The following ANKFN1 variants were observed in gnomAD, a reference collection of about 807,000 sequenced individuals.
ANKFN1 encodes ankyrin repeat and fibronectin type-III domain-containing protein 1.
Under a neutral mutation model 108.7 loss-of-function variants are expected in ANKFN1, and 74 were observed. The ratio of observed to expected loss-of-function variants is 0.68; its 90% confidence interval spans 0.56 to 0.83. ANKFN1 has a LOEUF of 0.83. Ranked by LOEUF, ANKFN1 falls within the 40% of genes least tolerant of loss-of-function variation. ANKFN1 has a pLI of 0.00. For missense variants in ANKFN1, 1,505 were observed against 1,382.3 expected (o/e 1.09, Z -1.41); for synonymous variants, 547 against 516.2 (o/e 1.06, Z -0.81).
intron 3 of ANKFN1, among the ~76,000 whole-genome samples, chr17:56,261,936 G>A (rs1325246732): frequency 6.6e-6 from 1 of 152,064 alleles, no homozygotes; most frequent in African/African-American, 2.4e-5. Context: ...ATATCTCATA[G>A]AGAAGACCAT....
intron 1 of ANKFN1, among the ~76,000 whole-genome samples, chr17:56,167,035 A>T (rs1910184303): frequency 6.6e-6 from 1 of 151,894 alleles, no homozygotes; most frequent in African/African-American, 2.4e-5. Context: ...GAAAATCAAT[A>T]ATGACTTGTT....
intron 15 of ANKFN1, among the ~76,000 whole-genome samples, chr17:56,467,781 A>AAGAAAGAAAGAAAG (rs1568026081): frequency 5.3e-4 from 12 of 22,438 alleles, no homozygotes; most frequent in African/African-American, 1.1e-3. Flanking sequence ...GAAAGAAAGA[A>AAGAAAGAAAGAAAG]AGAAAGAAAG....
Position 56,172,086 on chromosome 17 carries a change from A to G in ANKFN1, c.-71+18556A>G, listed in dbSNP as rs539790949. Among the ~76,000 whole-genome samples, 10 of 152,320 alleles carry G rather than the reference A, an allele frequency of 6.6e-5. No homozygotes were observed. In the South Asian group the frequency reaches 2.1e-3, roughly 32 times the overall value. On this transcript the variant is annotated intron_variant, in intron 1 of 20. Coordinates refer to ENST00000682825, the MANE Select transcript of ANKFN1 (RefSeq NM_001370326.1). Reference sequence around the variant, plus strand: ...TGTTATATACATGAATGACTAATATAGTTTATTTTATACTCTCTGCTTTTC... The same window carrying G: ...TGTTATATACATGAATGACTAATATGGTTTATTTTATACTCTCTGCTTTTC...
intron 1 of ANKFN1, among the ~76,000 whole-genome samples, chr17:56,199,062 A>C (rs1913795312): frequency 6.6e-6 from 1 of 152,180 alleles, no homozygotes; most frequent in Non-Finnish European, 1.5e-5. Flanking sequence ...GAGAAAATTT[A>C]TGTCTTTACA....
chr17:56,376,188 C>T (rs1186063835), intron 8 of ANKFN1, among the ~76,000 whole-genome samples: 1 of 152,102 alleles, frequency 6.6e-6, no homozygotes, highest in East Asian at 1.9e-4. Flanking sequence ...TCAGGCCTGT[C>T]CCTCTGGGGA....
At chr17:56,303,483 C>A (rs76571590) in intron 3 of ANKFN1, among the ~76,000 whole-genome samples, 376 of 152,292 alleles carry the variant, frequency 2.5e-3, no homozygotes, top group Non-Finnish European at 4.0e-3. Context: ...TCACCAGAAC[C>A]ACTCTACAAT....
chr17:56,453,564 AC>A (rs1200808802), intron 11 of ANKFN1, among the ~76,000 whole-genome samples: 1 of 152,148 alleles, frequency 6.6e-6, no homozygotes, highest in African/African-American at 2.4e-5. Flanking sequence ...TGCCCAGTGT[AC>A]AACTGTCACC....
At chr17:56,203,982 T>A (rs1031018837) in intron 1 of ANKFN1, among the ~76,000 whole-genome samples, 6 of 152,110 alleles carry the variant, frequency 3.9e-5, no homozygotes, top group Admixed American at 1.3e-4. Flanking sequence ...TGAAATGATA[T>A]CTTAATGGTC....
At chr17:56,487,456 T>C (rs1216100899) in intron 18 of ANKFN1, among the ~76,000 whole-genome samples, 2 of 152,052 alleles carry the variant, frequency 1.3e-5, no homozygotes. Context: ...ACAGCCGGCC[T>C]ATGACAAGGA....
chr17:56,220,618 C>T (rs1247594714), intron 2 of ANKFN1, among the ~76,000 whole-genome samples: 4 of 150,852 alleles, frequency 2.7e-5, no homozygotes, highest in Non-Finnish European at 5.9e-5. Context: ...TATGATTTCA[C>T]CACTGCAATA....
chr17:56,468,818 G>A (rs1270148939), intron 15 of ANKFN1, among the ~76,000 whole-genome samples: 2 of 152,222 alleles, frequency 1.3e-5, no homozygotes, highest in East Asian at 1.9e-4. Context: ...AATTGACAGA[G>A]AGTATGTGCT....
rs368562677 is a variant in ANKFN1, at chr17:56,155,465, G to C, written c.-71+1935G>C. Among the ~76,000 whole-genome samples the C allele has an allele frequency of 1.8e-4, 27 of 152,230 alleles. No individual in the cohort carries two copies. The South Asian group carries it at 3.3e-3, about 19-fold the overall frequency. ...TTCCAATATAGTCTTTCATTTATTC[G>C]ACAATCAACAGGTAATTATTGAAAG... On this transcript the variant is annotated intron_variant, in intron 1 of 20. Transcript: ENST00000682825.
intron 3 of ANKFN1, among the ~76,000 whole-genome samples, chr17:56,306,142 G>A (rs548160393): frequency 4.1e-4 from 62 of 152,134 alleles, no homozygotes; most frequent in Admixed American, 2.4e-3. Context: ...ATTCTGGTTC[G>A]TTTGCCTTTT....
chr17:56,390,355 T>C (rs1393118534), intron 8 of ANKFN1, among the ~76,000 whole-genome samples: 3 of 152,184 alleles, frequency 2.0e-5, no homozygotes, highest in East Asian at 1.9e-4. Flanking sequence ...GGTTCACCCA[T>C]GTCCCTGAAA....
intron 3 of ANKFN1, among the ~76,000 whole-genome samples, chr17:56,250,876 T>C (rs900960600): frequency 2.6e-5 from 4 of 152,214 alleles, no homozygotes; most frequent in African/African-American, 9.6e-5. Flanking sequence ...ATTTATTGAG[T>C]GTATTTATAC....
intron 1 of ANKFN1, among the ~76,000 whole-genome samples, chr17:56,208,654 T>A (rs961577341): frequency 6.6e-6 from 1 of 152,258 alleles, no homozygotes; most frequent in Non-Finnish European, 1.5e-5. Context: ...AGTGAAATAA[T>A]CCCTGAAAAA....
chr17:56,267,843 GT>G (rs1254195602), intron 3 of ANKFN1, among the ~76,000 whole-genome samples: 5 of 151,912 alleles, frequency 3.3e-5, no homozygotes, highest in Non-Finnish European at 7.4e-5. Flanking sequence ...CTCTGGCTTT[GT>G]TTTTTTCACT....
intron 1 of ANKFN1, among the ~76,000 whole-genome samples, chr17:56,168,612 T>C (rs1910370844): frequency 6.6e-6 from 1 of 152,262 alleles, no homozygotes; most frequent in Non-Finnish European, 1.5e-5. Flanking sequence ...ATAATTGTCA[T>C]ATCTAGAATA....
Position 56,283,895 on chromosome 17 carries a change from A to G in ANKFN1, c.54-42326A>G, listed in dbSNP as rs151123894. ...TTCCCCCAAAAACCTATGGAAATAAATTAAAAAAAAATCTTATTCTTTTTT... is the reference window on the plus strand; with the variant it reads ...TTCCCCCAAAAACCTATGGAAATAAGTTAAAAAAAAATCTTATTCTTTTTT... On this transcript the variant is annotated intron_variant, in intron 3 of 20. Coordinates refer to ENST00000682825, the MANE Select transcript of ANKFN1 (RefSeq NM_001370326.1). Among the ~76,000 whole-genome samples, 499 of 152,280 alleles carry G rather than the reference A, an allele frequency of 3.3e-3. 3 individuals carry two copies. Among genetic ancestry groups the G allele is most frequent in the African/African-American group, 0.011 (466 of 41,552 alleles).
Sources: allele counts gnomAD v4.1 joint callset (sites outside exome capture counted in the v4.1 genomes callset), GRCh38; gene constraint gnomAD v4.1.1; transcripts MANE v1.5; gene names NCBI Gene and HGNC (gene_info 2026-07-23, HGNC 2026-07-21).